Variants in PDK3 observed in about 807,000 individuals in gnomAD.
PDK3 encodes pyruvate dehydrogenase kinase, isozyme 3.
In PDK3, 12 loss-of-function variants were observed where a neutral mutation model predicts 32.0. That is an observed-to-expected ratio of 0.37 (90% CI 0.24 to 0.61). The LOEUF (loss-of-function observed/expected upper bound fraction) is 0.61, where lower values mean the gene tolerates loss of function less well. PDK3 is among the 20% of genes least tolerant of loss of function. The probability of loss-of-function intolerance (pLI) is 0.65; values close to 1 mark genes in which losing one functional copy is unlikely to be tolerated. For missense variants in PDK3, 188 were observed against 316.9 expected, an observed-to-expected ratio of 0.59 and a Z score of 3.09; for synonymous variants, 122 against 116.3, an observed-to-expected ratio of 1.05 and a Z score of -0.31.
At chrX:24,548,698 T>C (rs1187975261) in exon 12 of PDK3, 1 of 112,283 alleles carries the variant, frequency 8.9e-6, no homozygotes, top group Non-Finnish European at 1.9e-5. Context: ...ACTTAATGTT[T>C]TAAAATATTC....
At chrX:24,490,333 T>C (rs937805671) in intron 1 of PDK3, among the ~76,000 whole-genome samples, 3 of 111,283 alleles carry the variant, frequency 2.7e-5, no homozygotes, top group Admixed American at 1.9e-4. Context: ...GATACTGCTC[T>C]TTTTTTATAG....
chrX:24,530,266 C>T (rs2148202776), intron 9 of PDK3, among the ~76,000 whole-genome samples: 1 of 111,421 alleles, frequency 9.0e-6, no homozygotes, highest in South Asian at 3.8e-4. Flanking sequence ...TTACCCCCTG[C>T]CCTTTCAGTT....
At chrX:24,505,348 G>T (rs376703801) in intron 5 of PDK3, 50 bp downstream of exon 5, 13 of 958,997 alleles carry the variant, frequency 1.4e-5, no homozygotes, top group Non-Finnish European at 1.9e-5. Flanking sequence ...TTGGATTGTG[G>T]TTTATTGGAG....
At chrX:24,537,117 C>CTTTT (rs34294652), downstream of PDK3, among the ~76,000 whole-genome samples, 7 of 82,751 alleles carry the variant, frequency 8.5e-5, no homozygotes, top group Non-Finnish European at 1.2e-4. Flanking sequence ...CTTTTCTTTT[C>CTTTT]TTTTTTTTTT....
intron 1 of PDK3, among the ~76,000 whole-genome samples, chrX:24,466,921 G>C (rs1940070209): frequency 8.9e-6 from 1 of 111,820 alleles, no homozygotes; most frequent in Admixed American, 9.5e-5. Flanking sequence ...AGATTCTGAA[G>C]GTATCAGCCT....
At chrX:24,522,328 G>A (rs1044521389) in intron 6 of PDK3, among the ~76,000 whole-genome samples, 9 of 111,326 alleles carry the variant, frequency 8.1e-5, no homozygotes, top group African/African-American at 2.6e-4. Context: ...AAAGAGTCAT[G>A]GACAAAAGCA....
chrX:24,513,215 A>G (rs1354923435), intron 5 of PDK3, among the ~76,000 whole-genome samples: 1 of 110,641 alleles, frequency 9.0e-6, no homozygotes, highest in African/African-American at 3.3e-5. Flanking sequence ...TGTGGTTTGG[A>G]GCGTGAGGTG....
intron 5 of PDK3, among the ~76,000 whole-genome samples, chrX:24,510,875 C>T (rs1602118176): frequency 8.9e-6 from 1 of 112,364 alleles, no homozygotes; most frequent in Admixed American, 9.5e-5. Flanking sequence ...AACCTGCAGG[C>T]CTCTCTTTTC....
At chrX:24,518,380 G>T (rs1339149994) in intron 5 of PDK3, among the ~76,000 whole-genome samples, 2 of 111,963 alleles carry the variant, frequency 1.8e-5, no homozygotes, top group Non-Finnish European at 3.8e-5. Context: ...CTACTCGGGA[G>T]GCTGAGGCAG....
Position 24,503,291 on chromosome X carries a change from T to C in PDK3, c.321-36T>C, listed in dbSNP as rs771949896. On this transcript the variant is annotated intron_variant, in intron 3 of 10. Transcript: ENST00000379162. ...AGTCTGTGCATCAGCCCATGAGATA[T>C]TAAGACTGACCACGTTTTGTTTCCC... is the stretch of plus-strand genomic sequence containing the variant. 2.2e-5 allele frequency: 24 copies of C among 1,110,399 alleles called. No homozygotes were observed. In the Admixed American group the frequency reaches 4.7e-4, roughly 22 times the overall value. The allele number at this position is 1,110,399 out of a possible 1,213,427, so 91.5% of individuals were successfully genotyped here.
rs190000785 is a variant in PDK3 at position 24,521,092 on chromosome X, A to G, written c.673+2082A>G. ...CCAGGAGTTCGAGACCAGCCTGGGC[A>G]AGGTAGCAAAACCTTGTCTCTACAC... is the stretch of plus-strand genomic sequence containing the variant. On this transcript the variant is annotated intron_variant, in intron 6 of 10. Coordinates refer to ENST00000379162, the MANE Select transcript of PDK3 (RefSeq NM_005391.5). Among the ~76,000 whole-genome samples, 256 of 109,960 alleles carry G rather than the reference A, an allele frequency of 2.3e-3. 2 individuals carry two copies. Among genetic ancestry groups the G allele is most frequent in the African/African-American group, 7.9e-3 (240 of 30,200 alleles).
At chrX:24,497,750 AG>A (rs1921753691) in intron 2 of PDK3, among the ~76,000 whole-genome samples, 1 of 112,723 alleles carries the variant, frequency 8.9e-6, no homozygotes, top group African/African-American at 3.2e-5. Context: ...CTCTATCCAA[AG>A]GTGTAGATAA....
At chrX:24,535,529 G>A (rs917245119), downstream of PDK3, among the ~76,000 whole-genome samples, 66 of 105,749 alleles carry the variant, frequency 6.2e-4, no homozygotes, top group Non-Finnish European at 4.7e-4. Context: ...AAAAGAAGAA[G>A]AAGAAGAAGA....
intron 1 of PDK3, among the ~76,000 whole-genome samples, chrX:24,490,617 T>TA (rs761402029): frequency 5.3e-5 from 6 of 112,234 alleles, no homozygotes; most frequent in African/African-American, 1.9e-4. Context: ...TTATCCTACT[T>TA]ACTGGAAATG....
chrX:24,535,877 G>T (rs183677380), downstream of PDK3, among the ~76,000 whole-genome samples: 3 of 101,655 alleles, frequency 3.0e-5, no homozygotes, highest in East Asian at 9.2e-4. Flanking sequence ...TAGAGACAGG[G>T]TTTTGCCATG....
chrX:24,488,330 G>C (rs1301811698), intron 1 of PDK3, among the ~76,000 whole-genome samples: 2 of 111,842 alleles, frequency 1.8e-5, no homozygotes, highest in Non-Finnish European at 3.8e-5. Flanking sequence ...TCTAGACAAA[G>C]CAAATCATAC....
intron 6 of PDK3, 114 bp downstream of exon 6, chrX:24,519,124 T>C (rs1286398564): frequency 1.0e-5 from 5 of 482,238 alleles, no homozygotes; most frequent in Middle Eastern, 5.6e-4. Flanking sequence ...CATTTTCTTA[T>C]ATCTTTTTAA....
intron 7 of PDK3, 87 bp from the exon 8 acceptor site, chrX:24,527,487 G>A: frequency 1.8e-6 from 1 of 566,920 alleles, no homozygotes; most frequent in Non-Finnish European, 2.8e-6. Context: ...GGGTTGTTGG[G>A]TATAAGTCAT....
intron 3 of PDK3, 144 bp downstream of exon 3, chrX:24,499,044 G>GTT (rs11326170): frequency 4.7e-4 from 135 of 288,574 alleles, no homozygotes; most frequent in Non-Finnish European, 5.8e-4. Flanking sequence ...TCAACATTGA[G>GTT]TTTTTTTTTT....
Sources: gnomAD v4.1 joint callset for allele counts (sites outside exome capture counted in the v4.1 genomes callset) on GRCh38, gnomAD v4.1.1 for gene constraint, MANE v1.5 for transcripts, NCBI Gene and HGNC (gene_info 2026-07-23, HGNC 2026-07-21) for gene names.